The following PMP22 variants were observed in gnomAD, a reference collection of about 807,000 sequenced individuals.
PMP22 encodes the protein peripheral myelin protein 22, also known as Charcot-Marie-Tooth neuropathy 1A (greatly reduced nerve conduction velocity, hereditary motor sensory neuropathy Ia).
In PMP22, 2 loss-of-function variants were observed where a neutral mutation model predicts 18.9. The ratio of observed to expected loss-of-function variants is 0.11; its 90% CI spans 0.04 to 0.33. The LOEUF is 0.33. PMP22 is among the 10% of genes least tolerant of loss of function. PMP22 has a pLI of 1.00. For synonymous variants in PMP22, 95 were observed against 89.2 expected (o/e 1.07, Z -0.37); for missense variants, 169 against 202.2 (o/e 0.84, Z 1.00).
At chr17:15,240,754 A>G (rs1907251782) in intron 3 of PMP22, among the ~76,000 whole-genome samples, 2 of 152,154 alleles carry the variant, frequency 1.3e-5, no homozygotes, top group South Asian at 2.1e-4. Flanking sequence ...TCATGGAGGA[A>G]GGGCAACTGG....
At chr17:15,253,228 C>T (rs1358723561) in intron 3 of PMP22, among the ~76,000 whole-genome samples, 1 of 152,140 alleles carries the variant, frequency 6.6e-6, no homozygotes, top group Non-Finnish European at 1.5e-5. Context: ...ATGGACCCTG[C>T]GTGCCATGCC....
chr17:15,237,136 A>C (rs893232293), intron 4 of PMP22, among the ~76,000 whole-genome samples: 1 of 152,214 alleles, frequency 6.6e-6, no homozygotes, highest in Non-Finnish European at 1.5e-5. Context: ...TCTTGTATTG[A>C]CTTTGGAGGA....
chr17:15,262,792 C>T (rs912929445), intron 1 of PMP22, among the ~76,000 whole-genome samples: 1 of 152,234 alleles, frequency 6.6e-6, no homozygotes, highest in Non-Finnish European at 1.5e-5. Flanking sequence ...TTTCTCACCT[C>T]CCACCTCCCT....
At chr17:15,239,270 AGAGTTCTAAGTCCC>A in intron 4 of PMP22, 187 bp downstream of exon 4, 1 of 646,588 alleles carries the variant, frequency 1.5e-6, no homozygotes, top group Non-Finnish European at 2.8e-6. Flanking sequence ...GGAGAAGGGG[AGAGTTCTAAGTCCC>A]AAGTTCTAAG....
At chr17:15,235,920 A>AT (rs1435734224) in intron 4 of PMP22, among the ~76,000 whole-genome samples, 1 of 151,448 alleles carries the variant, frequency 6.6e-6, no homozygotes, top group African/African-American at 2.4e-5. Flanking sequence ...ACGCCTGGCT[A>AT]TTTTTTTATT....
At chr17:15,260,260 T>C (rs1775503102) in intron 2 of PMP22, 1 of 288,392 alleles carries the variant, frequency 3.5e-6, no homozygotes, top group African/African-American at 2.2e-5. Context: ...AAAGGGTGTT[T>C]TATAAATTAA....
At chr17:15,231,384 C>G (rs949908393) in intron 4 of PMP22, among the ~76,000 whole-genome samples, 2 of 152,232 alleles carry the variant, frequency 1.3e-5, no homozygotes, top group African/African-American at 4.8e-5. Context: ...ACATGGCCAG[C>G]AGGCATTCAG....
intron 3 of PMP22, among the ~76,000 whole-genome samples, chr17:15,253,619 G>T (rs1240690944): frequency 6.6e-6 from 1 of 151,932 alleles, no homozygotes; most frequent in Admixed American, 6.6e-5. Flanking sequence ...GTGGGGGTGG[G>T]GGGTACCTTT....
At chr17:15,249,677 C>T (rs1340388444) in intron 3 of PMP22, among the ~76,000 whole-genome samples, 2 of 152,092 alleles carry the variant, frequency 1.3e-5, no homozygotes, top group Non-Finnish European at 2.9e-5. Flanking sequence ...GGGACCAGCA[C>T]CAGAGAAGCC....
chr17:15,236,152 A>G (rs76751016), intron 4 of PMP22, among the ~76,000 whole-genome samples: 7,561 of 151,822 alleles, frequency 0.05, 632 homozygotes, highest in African/African-American at 0.17. Flanking sequence ...GCCTTTTGAT[A>G]TGCATTCAGG....
intron 1 of PMP22, 51 bp from the exon 2 acceptor site, chr17:15,260,812 G>C (rs1324792458): frequency 2.4e-6 from 3 of 1,259,844 alleles, no homozygotes; most frequent in Non-Finnish European, 3.4e-6. Flanking sequence ...CCGAGCGACG[G>C]AGGCGCGCGC....
intron 3 of PMP22, 58 bp downstream of exon 3, chr17:15,259,036 T>C: frequency 8.0e-7 from 1 of 1,252,396 alleles, no homozygotes; most frequent in Non-Finnish European, 1.2e-6. Flanking sequence ...AGCTCTGGGC[T>C]GAGAAACGTG....
chr17:15,243,788 CAT>C (rs998006814), intron 3 of PMP22, among the ~76,000 whole-genome samples: 60 of 147,008 alleles, frequency 4.1e-4, no homozygotes, highest in African/African-American at 1.3e-3. Context: ...AATTATATAA[CAT>C]ATAATTATAA....
intron 3 of PMP22, among the ~76,000 whole-genome samples, chr17:15,257,553 A>T (rs1423646365): frequency 6.6e-6 from 1 of 152,226 alleles, no homozygotes; most frequent in African/African-American, 2.4e-5. Context: ...GGAGACTCCC[A>T]TCCGGAGTGC....
intron 3 of PMP22, among the ~76,000 whole-genome samples, chr17:15,251,128 G>T (rs1908306564): frequency 6.6e-6 from 1 of 152,104 alleles, no homozygotes; most frequent in Admixed American, 6.6e-5. Flanking sequence ...CAGGGCCTTG[G>T]TTCTTCCCTT....
At chr17:15,236,542 C>A (rs746482195) in intron 4 of PMP22, among the ~76,000 whole-genome samples, 3 of 152,210 alleles carry the variant, frequency 2.0e-5, no homozygotes, top group Non-Finnish European at 4.4e-5. Flanking sequence ...GATTTCACAT[C>A]CCATGAGTGT....
intron 3 of PMP22, among the ~76,000 whole-genome samples, chr17:15,255,927 C>T (rs986917520): frequency 3.9e-5 from 6 of 152,116 alleles, no homozygotes; most frequent in East Asian, 3.9e-4. Context: ...CCTGACTCTT[C>T]GACCAGGCTC....
intron 4 of PMP22, chr17:15,235,338 G>C (rs770521310): frequency 4.0e-5 from 29 of 717,160 alleles, no homozygotes; most frequent in Non-Finnish European, 5.7e-5. Context: ...TTTTATTCAG[G>C]CTCCTCTATG....
At chr17:15,246,245 A>G (rs1364190002) in intron 3 of PMP22, among the ~76,000 whole-genome samples, 1 of 152,220 alleles carries the variant, frequency 6.6e-6, no homozygotes, top group Non-Finnish European at 1.5e-5. Flanking sequence ...TGCAGGTCAT[A>G]CGGTCTTCTT....
Sources: gnomAD v4.1 joint callset for allele counts (sites outside exome capture counted in the v4.1 genomes callset) on GRCh38, gnomAD v4.1.1 for gene constraint, MANE v1.5 for transcripts, NCBI Gene and HGNC (gene_info 2026-07-23, HGNC 2026-07-21) for gene names.